RABEP1: variants seen among roughly 807,000 people sequenced by gnomAD.
The protein encoded by RABEP1 is rabaptin, RAB GTPase binding effector protein 1, also known as rab GTPase-binding effector protein 1.
Under a neutral mutation model 123.4 loss-of-function variants are expected in RABEP1, and 51 were observed. That is an observed-to-expected ratio of 0.41 (90% confidence interval 0.33 to 0.52). The LOEUF is 0.52. RABEP1 is among the 20% of genes least tolerant of loss of function. RABEP1 has a pLI of 0.16. For synonymous variants in RABEP1, 347 were observed against 355.2 expected, an observed-to-expected ratio of 0.98 and a Z score of 0.26; for missense variants, 888 against 996.3, an observed-to-expected ratio of 0.89 and a Z score of 1.46.
chr17:5,316,973 C>T (rs971540772), intron 2 of RABEP1, among the ~76,000 whole-genome samples: 6 of 151,614 alleles, frequency 4.0e-5, no homozygotes, highest in Admixed American at 1.3e-4. Flanking sequence ...GGCACTATGT[C>T]GGCTGACTGC....
chr17:5,295,014 G>T (rs2075069219), intron 1 of RABEP1, among the ~76,000 whole-genome samples: 1 of 151,782 alleles, frequency 6.6e-6, no homozygotes, highest in African/African-American at 2.4e-5. Flanking sequence ...AAATTTGATA[G>T]AAAATTACAG....
chr17:5,314,563 G>T (rs1269621524), intron 2 of RABEP1, among the ~76,000 whole-genome samples: 1 of 147,262 alleles, frequency 6.8e-6, no homozygotes, highest in Non-Finnish European at 1.5e-5. Context: ...CTGTCACCCA[G>T]GCTGGAGTGC....
At position 5,374,577 on chromosome 17, in the gene RABEP1, C is replaced by T. The variant is rs534171695; in HGVS notation, c.2025+1123C>T. On this transcript the variant is annotated intron_variant, in intron 13 of 17. Transcript: ENST00000537505. ...TCAGCCTCCCGAGTAGCTGGGATTACAGGCGTGCGCCAGCACGCTGGGCTA... is the reference window on the plus strand; with the variant it reads ...TCAGCCTCCCGAGTAGCTGGGATTATAGGCGTGCGCCAGCACGCTGGGCTA... Among the ~76,000 whole-genome samples, 14 of 151,376 alleles carry T rather than the reference C, an allele frequency of 9.2e-5. No individual in the cohort carries two copies. In the South Asian group the frequency reaches 2.9e-3, roughly 31 times the overall value.
At chr17:5,299,147 T>C (rs2075110047) in intron 1 of RABEP1, among the ~76,000 whole-genome samples, 1 of 152,134 alleles carries the variant, frequency 6.6e-6, no homozygotes, top group Non-Finnish European at 1.5e-5. Flanking sequence ...TGGGAGGAAG[T>C]TTCAGCCTAC....
intron 7 of RABEP1, among the ~76,000 whole-genome samples, chr17:5,353,164 A>G (rs1413234891): frequency 6.6e-6 from 1 of 152,092 alleles, no homozygotes; most frequent in Non-Finnish European, 1.5e-5. Context: ...TCCATATAAC[A>G]TTACACAGAA....
intron 9 of RABEP1, among the ~76,000 whole-genome samples, chr17:5,362,292 G>A (rs971401747): frequency 2.0e-5 from 3 of 152,222 alleles, no homozygotes; most frequent in Non-Finnish European, 4.4e-5. Flanking sequence ...AATGAGGCAA[G>A]TGGGGCATGG....
chr17:5,312,621 C>A (rs563286022), intron 2 of RABEP1, among the ~76,000 whole-genome samples: 2 of 151,926 alleles, frequency 1.3e-5, no homozygotes, highest in African/African-American at 4.8e-5. Context: ...TTTTTATTTT[C>A]TTTTATAGGC....
At chr17:5,299,010 A>G (rs560822373) in intron 1 of RABEP1, among the ~76,000 whole-genome samples, 4 of 152,154 alleles carry the variant, frequency 2.6e-5, no homozygotes, top group Non-Finnish European at 4.4e-5. Flanking sequence ...ATTTCAGTGT[A>G]TGTGTAAACG....
At chr17:5,330,297 G>A (rs1044610905) in intron 2 of RABEP1, among the ~76,000 whole-genome samples, 4 of 152,120 alleles carry the variant, frequency 2.6e-5, no homozygotes, top group South Asian at 2.1e-4. Context: ...TCTTAAAACT[G>A]TCTTTGGCTA....
intron 11 of RABEP1, among the ~76,000 whole-genome samples, chr17:5,367,431 C>T (rs971514975): frequency 6.6e-6 from 1 of 151,646 alleles, no homozygotes; most frequent in Non-Finnish European, 1.5e-5. Flanking sequence ...GCCACCACGC[C>T]CGGCTAATTT....
At chr17:5,316,560 C>T (rs550722426) in intron 2 of RABEP1, among the ~76,000 whole-genome samples, 6 of 150,000 alleles carry the variant, frequency 4.0e-5, no homozygotes, top group Non-Finnish European at 5.9e-5. Flanking sequence ...AGGCTGGGCA[C>T]GGTGACTCAT....
chr17:5,318,576 AGTT>A (rs2075321176), intron 2 of RABEP1, among the ~76,000 whole-genome samples: 1 of 152,226 alleles, frequency 6.6e-6, no homozygotes, highest in Admixed American at 6.5e-5. Context: ...CACTATGCCC[AGTT>A]GTGTTTACTG....
chr17:5,361,614 A>G lies in RABEP1; in HGVS notation c.1502A>G (p.Tyr501Cys), dbSNP rs35814010. Residue 501 changes from tyrosine to cysteine, a missense_variant, in exon 9 of 18, where the codon TAT becomes TGT. Coordinates refer to ENST00000537505, the MANE Select transcript of RABEP1 (RefSeq NM_004703.6). ...SSVTQGMESAYVSPSGYRLVS... is the reference protein window; with the variant it reads ...SSVTQGMESACVSPSGYRLVS... The stretch of plus-strand genomic sequence containing the variant: ...GTTACCCAGGGCATGGAGAGTGCCT[A>G]TGTGTCCCCTAGTGGTTATCGTTTA... 22 of 1,614,000 alleles carry G rather than the reference A, an allele frequency of 1.4e-5. No individual in the cohort carries two copies. The highest frequency in any genetic ancestry group is 4.4e-5 in the South Asian group (4 of 91,076).
chr17:5,286,493 CAA>C (rs879677570), intron 1 of RABEP1, among the ~76,000 whole-genome samples: 1 of 141,608 alleles, frequency 7.1e-6, no homozygotes, highest in African/African-American at 2.6e-5. Context: ...GACTCTGTCT[CAA>C]AAAAAAAAGA....
At chr17:5,283,548 C>CT (rs1377308359) in intron 1 of RABEP1, among the ~76,000 whole-genome samples, 2 of 152,074 alleles carry the variant, frequency 1.3e-5, no homozygotes, top group Non-Finnish European at 2.9e-5. Context: ...AAAGTACTTT[C>CT]TGGTGTATTT....
intron 15 of RABEP1, 166 bp downstream of exon 15, chr17:5,378,398 A>AT: frequency 1.4e-6 from 1 of 703,108 alleles, no homozygotes; most frequent in Non-Finnish European, 2.6e-6. Context: ...CTGGTGATTT[A>AT]TTGAGAGTGC....
chr17:5,373,335 G>A lies in RABEP1; in HGVS notation c.1906G>A (p.Glu636Lys). The A allele has an allele frequency of 6.2e-7, 1 of 1,613,164 alleles. No homozygotes were observed. ...TTAGGCGGTGCTGATGCAGTCACGG[G>A]AACAGGTTTCAGAAGAGCTGGTGAG... The part of the protein sequence containing the change: ...EQMAVLMQSR[E>K]QVSEELVRLQ... Residue 636 changes from glutamate (E) to lysine (K), a missense_variant, in exon 13 of 18, where the codon GAA (glutamate) becomes AAA (lysine). Coordinates refer to ENST00000537505, the MANE Select transcript of RABEP1 (RefSeq NM_004703.6).
Position 5,362,901 on chromosome 17 carries a change from G to A in RABEP1, c.1564-11G>A, listed in dbSNP as rs1909678987. The A allele has an allele frequency of 1.3e-6, 2 of 1,587,190 alleles. No homozygotes were observed. The highest frequency in any genetic ancestry group is 2.7e-5 in the African/African-American group (2 of 74,450). ...TTTTGCCTGATAAGAGGTAATTTTG[G>A]TGCCCTTCAGGTACATAATGCTGGA... On this transcript the variant is annotated splice_polypyrimidine_tract_variant and intron_variant, in intron 9 of 17. Transcript: ENST00000537505.
chr17:5,339,167 GA>G (rs1464706668), intron 5 of RABEP1, among the ~76,000 whole-genome samples: 1 of 151,844 alleles, frequency 6.6e-6, no homozygotes, highest in Non-Finnish European at 1.5e-5. Flanking sequence ...AAAAAAGGAA[GA>G]AAGTAGGAAC....
Sources: gnomAD v4.1 joint callset for allele counts (sites outside exome capture counted in the v4.1 genomes callset) on GRCh38, gnomAD v4.1.1 for gene constraint, MANE v1.5 for transcripts, NCBI Gene and HGNC (gene_info 2026-07-23, HGNC 2026-07-21) for gene names.